The following MME variants were observed in gnomAD, a reference collection of about 807,000 sequenced individuals.
MME encodes the protein neprilysin.
MME carries 98 observed loss-of-function variants against 113.2 expected under a neutral mutation model. The observed-to-expected ratio is 0.87, with a 90% CI of 0.74 to 1.02. MME has a LOEUF of 1.02. Ranked by LOEUF, MME falls within the 50% of genes least tolerant of loss-of-function variation. MME has a pLI of 0.00. For missense variants in MME, 836 were observed against 896.0 expected (o/e 0.93, Z 0.86); for synonymous variants, 292 against 300.6 (o/e 0.97, Z 0.30).
intron 7 of MME, 152 bp from the exon 8 acceptor site, chr3:155,118,594 T>A: frequency 1.6e-6 from 1 of 644,578 alleles, no homozygotes; most frequent in Non-Finnish European, 2.8e-6. Flanking sequence ...GTAGAAAGCA[T>A]TTCCTAACTA....
chr3:155,024,655 T>G (rs1159674594), intron 1 of MME, among the ~76,000 whole-genome samples: 2 of 152,192 alleles, frequency 1.3e-5, no homozygotes, highest in Non-Finnish European at 2.9e-5. Context: ...TATCAACATG[T>G]GTCTATTTTA....
At position 155,054,749 on chromosome 3, in the gene MME, G is replaced by A. The variant is rs144363174; in HGVS notation, c.-10-29409G>A. 7.2e-5 allele frequency among the ~76,000 whole-genome samples: 11 copies of A among 152,236 alleles called. No individual in the cohort carries two copies. The East Asian group carries it at 9.7e-4, about 13-fold the overall frequency. On this transcript the variant is annotated intron_variant, in intron 1 of 22. Coordinates refer to the MME transcript ENST00000492661. Reference sequence around the variant, plus strand: ...GGAGAATTGCTTGAACCCAGGAGGCGGAGGTTGCAGTGAGCCAAGATCACA... The same window carrying A: ...GGAGAATTGCTTGAACCCAGGAGGCAGAGGTTGCAGTGAGCCAAGATCACA...
intron 20 of MME, 25 bp downstream of exon 20, chr3:155,168,822 A>C (rs760990639): frequency 1.3e-6 from 2 of 1,574,344 alleles, no homozygotes; most frequent in African/African-American, 2.7e-5. Context: ...TTTTCTTTCC[A>C]TTTTAGTGAT....
chr3:155,137,389 A>G (rs1253923977), intron 8 of MME, among the ~76,000 whole-genome samples: 3 of 152,216 alleles, frequency 2.0e-5, no homozygotes, highest in Non-Finnish European at 4.4e-5. Context: ...GAAAATGACT[A>G]TGAAAAAGAG....
At chr3:155,066,997 T>A (rs576413138) in intron 1 of MME, among the ~76,000 whole-genome samples, 2 of 152,130 alleles carry the variant, frequency 1.3e-5, no homozygotes, top group East Asian at 3.9e-4. Context: ...ACGCATAGCA[T>A]GTTTTAGAAC....
chr3:155,116,574 T>C lies in MME; in HGVS notation c.439+15T>C. On this transcript the variant is annotated intron_variant, in intron 5 of 22. Coordinates refer to ENST00000360490, the MANE Select transcript of MME (RefSeq NM_007289.4). Reference sequence around the variant, plus strand: ...TATAAATGAATGTAAGTGCTCTTCATTTGATTTCATTAGGAGTATATATAT... The same window carrying C: ...TATAAATGAATGTAAGTGCTCTTCACTTGATTTCATTAGGAGTATATATAT... 5.2e-6 allele frequency: 8 copies of C among 1,527,864 alleles called. No homozygotes were observed. The highest frequency in any genetic ancestry group is 7.2e-6 in the Non-Finnish European group (8 of 1,107,732). The allele number at this position is 1,527,864 out of a possible 1,614,324, so 94.6% of individuals were successfully genotyped here. A position where few individuals can be genotyped will look rare whatever the true frequency, so the allele number is the denominator to read the frequency against.
chr3:155,034,863 C>T (rs540118532), intron 1 of MME, among the ~76,000 whole-genome samples: 1 of 152,140 alleles, frequency 6.6e-6, no homozygotes, highest in African/African-American at 2.4e-5. Context: ...TCCAGGATAA[C>T]AAACAAGTTT....
At position 155,180,412 on chromosome 3, in the gene MME, C is replaced by T. The variant is rs766811497; in HGVS notation, c.2206C>T (p.Arg736Cys). 5.5e-5 allele frequency: 89 copies of T among 1,613,414 alleles called. No homozygotes were observed. Among genetic ancestry groups the T allele is most frequent in the East Asian group, 1.3e-4 (6 of 44,876 alleles). ...SAEFSEAFHC[R>C]KNSYMNPEKK... ...AGAGTTTTCAGAAGCCTTTCACTGC[C>T]GCAAGAATTCATACATGAATCCAGA... is the stretch of plus-strand genomic sequence containing the variant. Residue 736 changes from arginine to cysteine, a missense_variant, in exon 23 of 23, where the codon CGC becomes TGC. Transcript: ENST00000360490.
intron 3 of MME, among the ~76,000 whole-genome samples, chr3:155,103,664 AG>A (rs1477546404): frequency 6.6e-6 from 1 of 152,172 alleles, no homozygotes; most frequent in Non-Finnish European, 1.5e-5. Flanking sequence ...AGTCTCTATC[AG>A]TCTGGTTTTT....
chr3:155,156,230 C>A (rs1290564429), intron 16 of MME, among the ~76,000 whole-genome samples: 3 of 152,110 alleles, frequency 2.0e-5, no homozygotes, highest in Non-Finnish European at 4.4e-5. Flanking sequence ...AACCTCTGAA[C>A]CTAGAATTTT....
chr3:155,054,782 A>C (rs1462295134), intron 1 of MME, among the ~76,000 whole-genome samples: 1 of 152,170 alleles, frequency 6.6e-6, no homozygotes, highest in Admixed American at 6.5e-5. Flanking sequence ...ACACCATTGC[A>C]CTCTTGCCTG....
chr3:155,084,504 T>C (rs978678966), intron 2 of MME, 177 bp downstream of exon 2: 1 of 675,234 alleles, frequency 1.5e-6, no homozygotes, highest in African/African-American at 1.8e-5. Flanking sequence ...TGAAGTACGG[T>C]GCCTTTTATG....
rs1712948452 is a variant in MME, at chr3:155,180,230, G to C, written c.2154-130G>C. ...AGAAGGCACTGACTCATTGTACCAG[G>C]TTATTTTAAGTTTAACTTTAAATTC... On this transcript the variant is annotated intron_variant, in intron 22 of 22. Transcript: ENST00000360490. 18 of 766,070 alleles carry C rather than the reference G, an allele frequency of 2.3e-5. No individual in the cohort carries two copies. In the Admixed American group the frequency reaches 3.2e-4, roughly 13 times the overall value. 47.5% of individuals were successfully genotyped at this position (766,070 alleles called of 1,614,324 possible).
At chr3:155,114,213 G>A (rs968762724) in intron 3 of MME, among the ~76,000 whole-genome samples, 9 of 152,106 alleles carry the variant, frequency 5.9e-5, no homozygotes, top group African/African-American at 1.4e-4. Flanking sequence ...TCTCTGTTCC[G>A]GGTATAGACA....
intron 1 of MME, among the ~76,000 whole-genome samples, chr3:155,032,884 G>T (rs926061732): frequency 2.0e-5 from 3 of 152,194 alleles, no homozygotes; most frequent in African/African-American, 7.2e-5. Flanking sequence ...CAAAGCTAGA[G>T]AAGTTTAACA....
At chr3:155,151,561 T>G (rs549476858) in intron 16 of MME, among the ~76,000 whole-genome samples, 40 of 152,322 alleles carry the variant, frequency 2.6e-4, no homozygotes, top group African/African-American at 9.4e-4. Context: ...GTCTACATGC[T>G]TATGAAACAT....
intron 3 of MME, among the ~76,000 whole-genome samples, chr3:155,097,440 AT>A: frequency 6.6e-6 from 1 of 152,334 alleles, no homozygotes; most frequent in East Asian, 1.9e-4. Context: ...GCTGTCCAAA[AT>A]TAGAGAGTGA....
At chr3:155,163,676 A>AT (rs1187463121) in intron 17 of MME, among the ~76,000 whole-genome samples, 3 of 152,152 alleles carry the variant, frequency 2.0e-5, no homozygotes, top group African/African-American at 7.2e-5. Context: ...TTTTAAATCA[A>AT]TTTTTTTAAT....
At chr3:155,162,828 C>T (rs1413386954) in intron 17 of MME, among the ~76,000 whole-genome samples, 1 of 151,732 alleles carries the variant, frequency 6.6e-6, no homozygotes, top group South Asian at 2.1e-4. Flanking sequence ...GCCTGGCCAA[C>T]ATGGTGAAAC....
Sources: gnomAD v4.1 joint callset for allele counts (sites outside exome capture counted in the v4.1 genomes callset) on GRCh38, gnomAD v4.1.1 for gene constraint, MANE v1.5 for transcripts, NCBI Gene and HGNC (gene_info 2026-07-23, HGNC 2026-07-21) for gene names.